Variants in CCNF observed in about 807,000 individuals in gnomAD.
CCNF encodes the protein cyclin F, also known as cyclin-F.
A neutral mutation model predicts 85.4 loss-of-function variants in CCNF; 30 were observed. The observed-to-expected ratio is 0.35, with a 90% CI of 0.26 to 0.48. The LOEUF (loss-of-function observed/expected upper bound fraction) is 0.48, where lower values mean the gene tolerates loss of function less well. CCNF is among the 20% of genes least tolerant of loss of function. The pLI, the probability that CCNF is intolerant of heterozygous loss-of-function variation, is 0.99. For synonymous variants in CCNF, 439 were observed against 425.1 expected (o/e 1.03, Z -0.40); for missense variants, 919 against 1,010.4 (o/e 0.91, Z 1.23).
At chr16:2,441,198 C>T (rs917968446) in intron 8 of CCNF, among the ~76,000 whole-genome samples, 5 of 151,818 alleles carry the variant, frequency 3.3e-5, no homozygotes, top group African/African-American at 9.7e-5. Flanking sequence ...TGTGCCACTG[C>T]ACTCCAGCCT....
Position 2,458,271 on chromosome 16 carries a change from T to TTTTTTTGG in CCNF, c.*1251_*1252insTTTTTTGG, listed in dbSNP as rs2065442115. The TTTTTTTGG allele has an allele frequency of 6.6e-6, 1 of 150,980 alleles. No individual in the cohort carries two copies. The highest frequency in any genetic ancestry group is 2.4e-5 in the African/African-American group (1 of 40,986). 9.4% of individuals were successfully genotyped at this position (150,980 alleles called of 1,614,324 possible). A position where few individuals can be genotyped will look rare whatever the true frequency, so the allele number is the denominator to read the frequency against. On this transcript the variant is annotated 3_prime_UTR_variant, in exon 17 of 17. Transcript: ENST00000397066. ...CCAGATGCTTTTTTTTTTTTTTTTT[T>TTTTTTTGG]GGAGACAGTTTTGCTCTTGTCTCCC...
chr16:2,458,610 A>G lies in CCNF; in HGVS notation c.*1590A>G, dbSNP rs2065445246. ...AGATGCTCACTGAGCTGCTGCTTTT[A>G]TGTGTGCTGGTGCTATGTGTGTTCA... On this transcript the variant is annotated 3_prime_UTR_variant, in exon 17 of 17. Coordinates refer to ENST00000397066, the MANE Select transcript of CCNF (RefSeq NM_001761.3). 1 of 152,152 alleles carries G rather than the reference A, an allele frequency of 6.6e-6. No individual in the cohort carries two copies. The highest frequency in any genetic ancestry group is 2.4e-5 in the African/African-American group (1 of 41,384). 9.4% of individuals were successfully genotyped at this position (152,152 alleles called of 1,614,324 possible).
intron 10 of CCNF, 104 bp from the exon 11 acceptor site, chr16:2,448,751 T>C (rs2065375412): frequency 9.8e-7 from 1 of 1,021,966 alleles, no homozygotes; most frequent in African/African-American, 1.6e-5. Context: ...CCCAACGCCA[T>C]GGCTCCCTCC....
chr16:2,445,239 G>A (rs1001490674), intron 9 of CCNF, among the ~76,000 whole-genome samples: 1 of 152,114 alleles, frequency 6.6e-6, no homozygotes, highest in African/African-American at 2.4e-5. Flanking sequence ...GGAGCACCAG[G>A]AACACAGTCG....
rs1346896991 is a variant in CCNF at position 2,452,322 on chromosome 16, T to C, written c.1488-888T>C. On this transcript the variant is annotated intron_variant, in intron 13 of 16. Coordinates refer to ENST00000397066, the MANE Select transcript of CCNF (RefSeq NM_001761.3). This position sits in a 1 kb window ranked among gnomAD's most constrained non-coding sequence, Gnocchi z 4.1. ...TGGTGGCATCTCCCGGGCTTTGGCA[T>C]GTGCTGCTGCTCATGCTGCTTTCTC... Among the ~76,000 whole-genome samples the C allele has an allele frequency of 6.6e-6, 1 of 152,172 alleles. No homozygotes were observed. The highest frequency in any genetic ancestry group is 1.5e-5 in the Non-Finnish European group (1 of 68,036).
chr16:2,436,192 G>T, intron 4 of CCNF: 1 of 243,682 alleles, frequency 4.1e-6, no homozygotes, highest in Non-Finnish European at 8.0e-6. Context: ...TGAGCACGCA[G>T]ACCTGCCTGT....
At chr16:2,449,009 C>A in intron 11 of CCNF, 31 bp downstream of exon 11, 1 of 1,427,362 alleles carries the variant, frequency 7.0e-7, no homozygotes, top group Non-Finnish European at 9.9e-7. Context: ...CCTTATTAAT[C>A]TTCGTTGTCG....
chr16:2,455,948 G>T (rs1375961659), intron 16 of CCNF, among the ~76,000 whole-genome samples: 1 of 152,234 alleles, frequency 6.6e-6, no homozygotes, highest in East Asian at 1.9e-4. Flanking sequence ...GAGGCAGGAG[G>T]ATCACTTCAG....
chr16:2,452,410 A>G lies in CCNF; in HGVS notation c.1488-800A>G, dbSNP rs1016401561. On this transcript the variant is annotated intron_variant, in intron 13 of 16. Transcript: ENST00000397066. The surrounding 1 kb of genome is among the most constrained non-coding windows in gnomAD (Gnocchi z 4.1). ...CGAGGCTGACAGTAGAAGGGTTCGC[A>G]TGGGTCTCGTCCCACCCACCTTTGC... 3.9e-5 allele frequency among the ~76,000 whole-genome samples: 6 copies of G among 152,126 alleles called. No homozygotes were observed. Among genetic ancestry groups the G allele is most frequent in the African/African-American group, 1.4e-4 (6 of 41,426 alleles).
rs917589835 is a variant in CCNF, at chr16:2,452,715, G to A, written c.1488-495G>A. 3.1e-5 allele frequency: 5 copies of A among 159,722 alleles called. No homozygotes were observed. In the South Asian group the frequency reaches 5.3e-4, roughly 17 times the overall value. The allele number at this position is 159,722 out of a possible 1,614,324, so 9.9% of individuals were successfully genotyped here. ...TCCCGTTCCCCCCAACTTCCTCAGC[G>A]CTAGATGACCCCCAGTAGTCTACTT... On this transcript the variant is annotated intron_variant, in intron 13 of 16. Transcript: ENST00000397066. This position sits in a 1 kb window ranked among gnomAD's most constrained non-coding sequence, Gnocchi z 4.1.
chr16:2,449,772 C>T, intron 12 of CCNF, 56 bp from the exon 13 acceptor site: 1 of 834,858 alleles, frequency 1.2e-6, no homozygotes, highest in Non-Finnish European at 2.0e-6. Flanking sequence ...CCTCCGTCCC[C>T]TCCATCCCCT....
At chr16:2,455,015 A>G (rs918605935) in intron 15 of CCNF, among the ~76,000 whole-genome samples, 2 of 148,628 alleles carry the variant, frequency 1.3e-5, no homozygotes, top group African/African-American at 2.5e-5. Context: ...AGCCAAGATC[A>G]CACCACTGCA....
chr16:2,434,103 C>G (rs1372766548), intron 3 of CCNF, among the ~76,000 whole-genome samples: 3 of 149,674 alleles, frequency 2.0e-5, no homozygotes, highest in African/African-American at 7.4e-5. Context: ...GTCGGGAGTT[C>G]GAGACCAGCC....
At position 2,439,476 on chromosome 16, in the gene CCNF, G is replaced by T. The variant is rs1313269595; in HGVS notation, c.699+19G>T. ...GACAGATGTGAGTGGTGCCTGCTCT[G>T]GGTCGGGGGGAGTTATGCTGGACAA... On this transcript the variant is annotated intron_variant, in intron 7 of 16. Coordinates refer to ENST00000397066, the MANE Select transcript of CCNF (RefSeq NM_001761.3). 6.4e-7 allele frequency: 1 copy of T among 1,551,754 alleles called. No individual in the cohort carries two copies. Among genetic ancestry groups the T allele is most frequent in the South Asian group, 1.1e-5 (1 of 87,870 alleles).
At chr16:2,449,042 G>GCCC in intron 11 of CCNF, 64 bp downstream of exon 11, 9 of 683,538 alleles carry the variant, frequency 1.3e-5, no homozygotes, top group Non-Finnish European at 1.9e-5. Context: ...GTGGGGGTGG[G>GCCC]CATTCAGCTT....
Position 2,455,450 on chromosome 16 carries a change from G to A in CCNF, c.1771G>A (p.Ala591Thr), listed in dbSNP as rs1019368451. 6.2e-7 allele frequency: 1 copy of A among 1,600,380 alleles called. No individual in the cohort carries two copies. The highest frequency in any genetic ancestry group is 8.6e-7 in the Non-Finnish European group (1 of 1,169,230). Residue 591 changes from alanine (A) to threonine (T), a missense_variant, in exon 16 of 17, where the codon GCG becomes ACG. Physicochemically the swap from Ala to Thr is moderately conservative, Grantham distance 58. Around this residue, in one of 3 missense-constraint regions of CCNF, gnomAD observed 505 missense variants for 514.8 expected, o/e 0.98. Transcript: ENST00000397066. Reference sequence around the variant, plus strand: ...AGGCAGCTTCGTTACCACCCCCACTGCGGAGCTGTCCAGCCAGGAGGAGAC... The same window carrying A: ...AGGCAGCTTCGTTACCACCCCCACTACGGAGCTGTCCAGCCAGGAGGAGAC... Reference protein sequence around the residue: ...DRGSFVTTPTAELSSQEETLL... With the variant: ...DRGSFVTTPTTELSSQEETLL...
chr16:2,442,493 A>T (rs1193270713), intron 8 of CCNF, among the ~76,000 whole-genome samples: 1 of 970 alleles, frequency 1.0e-3, no homozygotes, highest in Non-Finnish European at 1.3e-3. Context: ...AATATTATAT[A>T]ATATAATATT....
intron 12 of CCNF, 83 bp from the exon 13 acceptor site, chr16:2,449,745 C>A: frequency 1.1e-6 from 1 of 926,944 alleles, no homozygotes; most frequent in Non-Finnish European, 1.8e-6. Flanking sequence ...AGTGTTCAGG[C>A]GGCTGTCACC....
At position 2,445,553 on chromosome 16, in the gene CCNF, TGCGGAGGAGGCTGGTGCC is replaced by T. The variant is rs1393080450; in HGVS notation, c.1030_1047del (p.Arg344_Arg349del). 3 of 1,613,918 alleles carry T rather than the reference TGCGGAGGAGGCTGGTGCC, an allele frequency of 1.9e-6. No individual in the cohort carries two copies. Among genetic ancestry groups the T allele is most frequent in the Non-Finnish European group, 2.5e-6 (3 of 1,180,002 alleles). ...ACCGTGGAGTGTGTGGACCGGTACC[TGCGGAGGAGGCTGGTGCC>T]GCGGTACAGGCTCCAGCTGCTGGGC... is the stretch of plus-strand genomic sequence containing the variant. On this transcript the variant is annotated inframe_deletion, in exon 10 of 17. Coordinates refer to ENST00000397066, the MANE Select transcript of CCNF (RefSeq NM_001761.3).
Sources: allele counts gnomAD v4.1 joint callset (sites outside exome capture counted in the v4.1 genomes callset), GRCh38; gene constraint gnomAD v4.1.1; regional missense constraint gnomAD v4.1.1; non-coding constraint Gnocchi (gnomAD v3.1); transcripts MANE v1.5; gene names NCBI Gene and HGNC (gene_info 2026-07-23, HGNC 2026-07-21).